The following LRMDA variants were observed in gnomAD, a reference collection of about 807,000 sequenced individuals.
The protein encoded by LRMDA is leucine rich melanocyte differentiation associated, also known as leucine-rich melanocyte differentiation-associated protein.
LRMDA carries 18 observed loss-of-function variants against 29.8 expected under a neutral mutation model. The observed-to-expected ratio is 0.60, with a 90% CI of 0.42 to 0.90. LRMDA has a LOEUF of 0.90. LRMDA is among the 40% of genes least tolerant of loss of function. The pLI is 0.00. For synonymous variants in LRMDA, 125 were observed against 109.4 expected (o/e 1.14, Z -0.89); for missense variants, 273 against 273.9 (o/e 1.00, Z 0.02).
At chr10:75,488,719 T>TCTAG (rs1313744969) in intron 2 of LRMDA, among the ~76,000 whole-genome samples, 2 of 152,024 alleles carry the variant, frequency 1.3e-5, no homozygotes, top group Non-Finnish European at 2.9e-5. Context: ...TCTTCAAAGG[T>TCTAG]CTAGCATCAG....
chr10:76,360,080 C>G (rs899509124), intron 6 of LRMDA, among the ~76,000 whole-genome samples: 1 of 152,054 alleles, frequency 6.6e-6, no homozygotes, highest in Non-Finnish European at 1.5e-5. Flanking sequence ...TCGCAACCTC[C>G]CGGGTTCAAG....
chr10:76,441,410 G>T (rs529505961), intron 6 of LRMDA, among the ~76,000 whole-genome samples: 15 of 152,164 alleles, frequency 9.9e-5, no homozygotes, highest in African/African-American at 3.4e-4. Flanking sequence ...CCTTCTATGT[G>T]CCACGGTTAT....
chr10:75,765,290 T>A (rs1301386620), intron 2 of LRMDA, among the ~76,000 whole-genome samples: 2 of 152,086 alleles, frequency 1.3e-5, no homozygotes, highest in Admixed American at 1.3e-4. Context: ...CAGCCCAGGT[T>A]AATTTGAATG....
chr10:75,763,264 A>G (rs1277400464), intron 2 of LRMDA, among the ~76,000 whole-genome samples: 5 of 151,858 alleles, frequency 3.3e-5, no homozygotes, highest in Admixed American at 1.3e-4. Flanking sequence ...TTTTGGAGTC[A>G]TTTCAGAAAA....
rs190774790 is a variant in LRMDA at position 75,982,500 on chromosome 10, A to G, written c.132-53508A>G. On this transcript the variant is annotated intron_variant, in intron 2 of 6. Transcript: ENST00000611255. ...TGTGTGGATTCCCCCTGTTAGCTTGAGTGGCCAGTATTCCACAATGCTTGG... is the reference window on the plus strand; with the variant it reads ...TGTGTGGATTCCCCCTGTTAGCTTGGGTGGCCAGTATTCCACAATGCTTGG... Among the ~76,000 whole-genome samples the G allele has an allele frequency of 4.7e-4, 71 of 152,270 alleles. 2 individuals carry two copies. The highest frequency in any genetic ancestry group is 3.4e-3 in the Middle Eastern group (1 of 294).
intron 5 of LRMDA, among the ~76,000 whole-genome samples, chr10:76,076,590 G>T (rs567687553): frequency 5.8e-4 from 88 of 152,200 alleles, no homozygotes; most frequent in Non-Finnish European, 1.1e-3. Flanking sequence ...AGATGGGGGA[G>T]TTGTGGGATT....
chr10:75,604,865 A>G (rs535444090), intron 2 of LRMDA, among the ~76,000 whole-genome samples: 3 of 152,314 alleles, frequency 2.0e-5, no homozygotes, highest in Admixed American at 1.3e-4. Context: ...TTTTCTTTCA[A>G]AAGAATACAT....
chr10:76,211,948 G>A (rs1022005229), intron 5 of LRMDA, among the ~76,000 whole-genome samples: 5 of 152,226 alleles, frequency 3.3e-5, no homozygotes, highest in Admixed American at 6.5e-5. Flanking sequence ...TTTGGTGGCC[G>A]GCTCAAGTTG....
intron 6 of LRMDA, among the ~76,000 whole-genome samples, chr10:76,472,908 C>T (rs994181918): frequency 1.2e-4 from 18 of 151,258 alleles, no homozygotes; most frequent in South Asian, 4.2e-4. Context: ...AAAAAGACCC[C>T]GGGCCCAGAA....
At chr10:76,440,735 C>G (rs566408440) in intron 6 of LRMDA, among the ~76,000 whole-genome samples, 7 of 152,246 alleles carry the variant, frequency 4.6e-5, no homozygotes, top group African/African-American at 1.7e-4. Context: ...GGATATTAGA[C>G]TGCTCAACTT....
chr10:75,460,143 G>A (rs1844567811), intron 2 of LRMDA, among the ~76,000 whole-genome samples: 1 of 152,174 alleles, frequency 6.6e-6, no homozygotes, highest in Non-Finnish European at 1.5e-5. Context: ...TTTGCAAATA[G>A]TGACATTTAT....
At chr10:75,878,525 C>T (rs2132340601) in intron 2 of LRMDA, among the ~76,000 whole-genome samples, 1 of 152,114 alleles carries the variant, frequency 6.6e-6, no homozygotes, top group African/African-American at 2.4e-5. Context: ...TGTTGGTGTG[C>T]TCTTCTGCTC....
intron 6 of LRMDA, among the ~76,000 whole-genome samples, chr10:76,544,195 CG>C (rs1358983097): frequency 1.5e-4 from 23 of 152,062 alleles, no homozygotes; most frequent in Non-Finnish European, 2.9e-4. Context: ...TTTGTGTTGC[CG>C]AATGTGGCTT....
intron 5 of LRMDA, among the ~76,000 whole-genome samples, chr10:76,222,563 A>T (rs1263007023): frequency 1.3e-5 from 2 of 152,244 alleles, no homozygotes; most frequent in Non-Finnish European, 2.9e-5. Flanking sequence ...AATCAAAGCC[A>T]CAGTGAGATA....
rs1212066726 is a variant in LRMDA at position 76,363,276 on chromosome 10, A to AAAGGAAGGAAGGAAGG, written c.601+38800_601+38815dup. Among the ~76,000 whole-genome samples, 62 of 58,870 alleles carry AAAGGAAGGAAGGAAGG rather than the reference A, an allele frequency of 1.1e-3. 3 individuals are homozygous for AAAGGAAGGAAGGAAGG. Among genetic ancestry groups the AAAGGAAGGAAGGAAGG allele is most frequent in the African/African-American group, 4.8e-3 (57 of 11,772 alleles). 38.6% of individuals were successfully genotyped at this position (58,870 alleles called of 152,430 possible). ...GAAAGAAGGAAGGAAGGAAGGAAGG[A>AAAGGAAGGAAGGAAGG]AAGGAAGGAAGGAAGGAAGGAAGGG... On this transcript the variant is annotated intron_variant, in intron 6 of 6. Coordinates refer to ENST00000611255, the MANE Select transcript of LRMDA (RefSeq NM_001305581.2).
At chr10:75,843,786 C>G (rs1445115781) in intron 2 of LRMDA, among the ~76,000 whole-genome samples, 1 of 152,116 alleles carries the variant, frequency 6.6e-6, no homozygotes, top group African/African-American at 2.4e-5. Context: ...GGTTGTTATA[C>G]TGGTGAAAAG....
At chr10:76,160,468 G>A (rs1850625165) in intron 5 of LRMDA, among the ~76,000 whole-genome samples, 1 of 151,956 alleles carries the variant, frequency 6.6e-6, no homozygotes, top group African/African-American at 2.4e-5. Context: ...GTACCTAAGA[G>A]TATGTATGGA....
intron 5 of LRMDA, among the ~76,000 whole-genome samples, chr10:76,255,634 C>T (rs1218807248): frequency 1.3e-5 from 2 of 152,238 alleles, no homozygotes; most frequent in South Asian, 4.1e-4. Context: ...GAGTATGAAC[C>T]AGACCACATG....
chr10:75,575,947 C>T (rs1840499976), intron 2 of LRMDA, among the ~76,000 whole-genome samples: 1 of 151,938 alleles, frequency 6.6e-6, no homozygotes, highest in Admixed American at 6.6e-5. Context: ...TTTGGGCAGA[C>T]ACCGAGCTAG....
Sources: allele counts gnomAD v4.1 joint callset (sites outside exome capture counted in the v4.1 genomes callset), GRCh38; gene constraint gnomAD v4.1.1; transcripts MANE v1.5; gene names NCBI Gene and HGNC (gene_info 2026-07-23, HGNC 2026-07-21).